Variants in ZNF804B observed in about 807,000 individuals in gnomAD.
ZNF804B encodes zinc finger 804B.
A neutral mutation model predicts 101.4 loss-of-function variants in ZNF804B; 80 were observed. That is an observed-to-expected ratio of 0.79 (90% CI 0.66 to 0.95). ZNF804B has a LOEUF of 0.95. Among genes scored for constraint, ZNF804B ranks in the 40% least tolerant of loss-of-function variants. The probability of loss-of-function intolerance (pLI) is 0.00; values close to 1 mark genes in which losing one functional copy is unlikely to be tolerated. For synonymous variants in ZNF804B, 622 were observed against 558.8 expected, an observed-to-expected ratio of 1.11 and a Z score of -1.59; for missense variants, 1,673 against 1,561.9, an observed-to-expected ratio of 1.07 and a Z score of -1.20.
chr7:88,884,927 C>A (rs755347615), intron 1 of ZNF804B, among the ~76,000 whole-genome samples: 1 of 151,804 alleles, frequency 6.6e-6, no homozygotes, highest in Non-Finnish European at 1.5e-5. Flanking sequence ...AATCAAGGTG[C>A]ACATATTTCC....
At chr7:89,119,730 C>T (rs556311512) in intron 1 of ZNF804B, among the ~76,000 whole-genome samples, 1 of 152,254 alleles carries the variant, frequency 6.6e-6, no homozygotes, top group African/African-American at 2.4e-5. Context: ...TGCCCAGTTA[C>T]TTAAATCAAG....
At chr7:89,297,053 C>A (rs1790395201) in intron 2 of ZNF804B, among the ~76,000 whole-genome samples, 1 of 151,996 alleles carries the variant, frequency 6.6e-6, no homozygotes, top group Admixed American at 6.6e-5. Context: ...AACATAGCCC[C>A]TCAGCTGTAA....
chr7:88,941,609 G>A lies in ZNF804B; in HGVS notation c.108+181525G>A, dbSNP rs574092589. Among the ~76,000 whole-genome samples the A allele has an allele frequency of 3.0e-4, 46 of 152,068 alleles. 1 individual carries two copies. Among genetic ancestry groups the A allele is most frequent in the Admixed American group, 3.0e-3 (46 of 15,240 alleles). ...ATCAGTGGTTGTTAGGGATTAGGAG[G>A]AGAAAGAGATGAACAGACAGAGCAC... On this transcript the variant is annotated intron_variant, in intron 1 of 3. Coordinates refer to ENST00000333190, the MANE Select transcript of ZNF804B (RefSeq NM_181646.5).
rs534600107 is a variant in ZNF804B at position 88,847,404 on chromosome 7, T to C, written c.108+87320T>C. Among the ~76,000 whole-genome samples, 24 of 152,206 alleles carry C rather than the reference T, an allele frequency of 1.6e-4. No individual in the cohort carries two copies. In the South Asian group the frequency reaches 4.8e-3, roughly 30 times the overall value. ...CCGTTTTTTAAAAAATATATTTAGC[T>C]TTAGGAGCTTAATTTGTAAACCATT... On this transcript the variant is annotated intron_variant, in intron 1 of 3. Coordinates refer to ENST00000333190, the MANE Select transcript of ZNF804B (RefSeq NM_181646.5).
intron 2 of ZNF804B, among the ~76,000 whole-genome samples, chr7:89,294,836 C>T (rs1251006109): frequency 3.9e-5 from 6 of 151,936 alleles, no homozygotes; most frequent in East Asian, 3.9e-4. Flanking sequence ...TTCTGACATT[C>T]GGTTCTATCT....
intron 1 of ZNF804B, among the ~76,000 whole-genome samples, chr7:89,177,778 G>A (rs768979565): frequency 6.6e-5 from 10 of 151,808 alleles, no homozygotes; most frequent in Non-Finnish European, 2.9e-5. Context: ...TATTGGCCAG[G>A]TGCGTTGCTC....
At chr7:89,220,334 G>A (rs1278833460) in intron 2 of ZNF804B, among the ~76,000 whole-genome samples, 1 of 151,432 alleles carries the variant, frequency 6.6e-6, no homozygotes, top group Non-Finnish European at 1.5e-5. Context: ...ATCCTAGTGT[G>A]CATAACAATG....
intron 1 of ZNF804B, among the ~76,000 whole-genome samples, chr7:89,152,237 T>C (rs1438725108): frequency 6.7e-6 from 1 of 148,314 alleles, no homozygotes; most frequent in Non-Finnish European, 1.5e-5. Flanking sequence ...TGTTTCAGAC[T>C]ACTGCATGGT....
chr7:89,238,229 T>C (rs34086934), intron 2 of ZNF804B, among the ~76,000 whole-genome samples: 18,582 of 152,074 alleles, frequency 0.12, 1,226 homozygotes, highest in Middle Eastern at 0.25. Context: ...TATTTTGAAA[T>C]GGAGAGAGGA....
At chr7:89,249,903 G>A (rs1284099895) in intron 2 of ZNF804B, among the ~76,000 whole-genome samples, 1 of 152,032 alleles carries the variant, frequency 6.6e-6, no homozygotes, top group Non-Finnish European at 1.5e-5. Flanking sequence ...ACTAACATAG[G>A]TAGGCCAGCT....
At chr7:89,237,827 A>G (rs1401885118) in intron 2 of ZNF804B, among the ~76,000 whole-genome samples, 1 of 152,200 alleles carries the variant, frequency 6.6e-6, no homozygotes, top group Non-Finnish European at 1.5e-5. Context: ...TCTGTCATAT[A>G]CAATTGCTTT....
At chr7:88,916,569 G>C (rs988326784) in intron 1 of ZNF804B, among the ~76,000 whole-genome samples, 2 of 152,038 alleles carry the variant, frequency 1.3e-5, no homozygotes, top group Non-Finnish European at 2.9e-5. Context: ...TATAAAATAA[G>C]ATGTAAACAT....
chr7:88,915,798 T>TAAAC (rs35498062), intron 1 of ZNF804B, among the ~76,000 whole-genome samples: 3 of 47,848 alleles, frequency 6.3e-5, no homozygotes, highest in Non-Finnish European at 9.7e-5. Flanking sequence ...TACTAAAAAT[T>TAAAC]AAATATTTGC....
At chr7:89,123,384 A>G (rs1280269845) in intron 1 of ZNF804B, among the ~76,000 whole-genome samples, 5 of 152,148 alleles carry the variant, frequency 3.3e-5, no homozygotes, top group Admixed American at 6.5e-5. Flanking sequence ...ATTTGTGAAG[A>G]TGCACCTCCT....
At chr7:88,906,852 T>C (rs760676785) in intron 1 of ZNF804B, among the ~76,000 whole-genome samples, 3 of 152,096 alleles carry the variant, frequency 2.0e-5, no homozygotes, top group Non-Finnish European at 4.4e-5. Context: ...CCCACTATTA[T>C]TGTATAGCTG....
rs766413724 is a variant in ZNF804B at position 89,336,979 on chromosome 7, C to A, written c.3997C>A (p.Gln1333Lys). ...CCATCATTCTTGCTCTAGCCAGATG[C>A]AACAGCTAAATGAAGTGAAAGAGGC... ...FCHHSCSSQM[Q>K]QLNEVKEALN... is the part of the protein sequence containing the mutation. The change falls in exon 4 of 4, where the codon CAA becomes AAA. Residue 1333 changes from glutamine to lysine, a missense_variant. Gln to Lys is a moderately conservative substitution (Grantham distance 53). Transcript: ENST00000333190. The A allele has an allele frequency of 6.2e-7, 1 of 1,614,088 alleles. No individual in the cohort carries two copies. The highest frequency in any genetic ancestry group is 1.7e-5 in the Admixed American group (1 of 59,994).
intron 1 of ZNF804B, chr7:88,794,665 G>T (rs1226394222): frequency 6.2e-7 from 1 of 1,613,750 alleles, no homozygotes; most frequent in Non-Finnish European, 8.5e-7. Flanking sequence ...AATGGAAGTG[G>T]GATAGATGAG....
chr7:88,997,663 A>T (rs1397372793), intron 1 of ZNF804B, among the ~76,000 whole-genome samples: 1 of 152,082 alleles, frequency 6.6e-6, no homozygotes, highest in African/African-American at 2.4e-5. Context: ...TGAAGGAATC[A>T]TCTACCCAGA....
At chr7:89,130,223 G>A (rs1378572221) in intron 1 of ZNF804B, among the ~76,000 whole-genome samples, 4 of 151,920 alleles carry the variant, frequency 2.6e-5, no homozygotes, top group South Asian at 2.1e-4. Flanking sequence ...CTTGCAGGCT[G>A]TATGAGAGAG....
Sources: gnomAD v4.1 joint callset for allele counts (sites outside exome capture counted in the v4.1 genomes callset) on GRCh38, gnomAD v4.1.1 for gene constraint, MANE v1.5 for transcripts, NCBI Gene and HGNC (gene_info 2026-07-23, HGNC 2026-07-21) for gene names.